Variants in SIPA1L1 observed in about 807,000 individuals in gnomAD.
The protein encoded by SIPA1L1 is signal induced proliferation associated 1 like 1.
In SIPA1L1, 26 loss-of-function variants were observed where a neutral mutation model predicts 162.7. The observed-to-expected ratio is 0.16, with a 90% CI of 0.12 to 0.22. The LOEUF is 0.22. Ranked by LOEUF, SIPA1L1 falls within the 10% of genes least tolerant of loss-of-function variation. SIPA1L1 has a pLI of 1.00. For synonymous variants in SIPA1L1, 829 were observed against 837.4 expected (o/e 0.99, Z 0.17); for missense variants, 1,874 against 2,241.0 (o/e 0.84, Z 3.31).
At chr14:71,614,669 A>T (rs932623854) in intron 5 of SIPA1L1, among the ~76,000 whole-genome samples, 1 of 152,224 alleles carries the variant, frequency 6.6e-6, no homozygotes, top group Non-Finnish European at 1.5e-5. Flanking sequence ...GTTTGTTTAA[A>T]GCTAGAGTAT....
chr14:71,727,863 C>A (rs1416064176), intron 19 of SIPA1L1, among the ~76,000 whole-genome samples: 2 of 152,178 alleles, frequency 1.3e-5, no homozygotes, highest in African/African-American at 2.4e-5. Context: ...CTGGGTTCTC[C>A]TACCTTTTAA....
chr14:71,427,161 CT>C (rs2140857454), intron 2 of SIPA1L1, among the ~76,000 whole-genome samples: 1 of 150,844 alleles, frequency 6.6e-6, no homozygotes, highest in Admixed American at 6.6e-5. Flanking sequence ...TTTTAGTGTC[CT>C]TTTATTTTTA....
intron 2 of SIPA1L1, among the ~76,000 whole-genome samples, chr14:71,436,853 C>T (rs1318106585): frequency 2.7e-5 from 4 of 149,334 alleles, no homozygotes; most frequent in South Asian, 2.1e-4. Context: ...CAACCTCTAT[C>T]GCCCGGGTTC....
intron 2 of SIPA1L1, among the ~76,000 whole-genome samples, chr14:71,420,428 A>G (rs889652269): frequency 3.3e-5 from 5 of 152,212 alleles, no homozygotes; most frequent in African/African-American, 1.2e-4. Flanking sequence ...TCTGTCTACT[A>G]AAGGAGTAAC....
At chr14:71,669,454 G>A (rs1315918902) in intron 10 of SIPA1L1, among the ~76,000 whole-genome samples, 1 of 152,198 alleles carries the variant, frequency 6.6e-6, no homozygotes, top group Non-Finnish European at 1.5e-5. Flanking sequence ...AATAGCAGAT[G>A]AGAAGTTGCC....
chr14:71,669,136 T>C (rs2044285973), intron 10 of SIPA1L1, among the ~76,000 whole-genome samples: 2 of 152,212 alleles, frequency 1.3e-5, no homozygotes, highest in South Asian at 4.1e-4. Context: ...TATTTCTGAC[T>C]ATGCGAAGCT....
intron 2 of SIPA1L1, among the ~76,000 whole-genome samples, chr14:71,365,200 A>G (rs1326184252): frequency 6.6e-6 from 1 of 151,090 alleles, no homozygotes; most frequent in Admixed American, 6.6e-5. Context: ...TTTTTTGTAG[A>G]AACAGGGTCT....
At chr14:71,688,399 C>T (rs1480845994) in intron 13 of SIPA1L1, among the ~76,000 whole-genome samples, 1 of 152,136 alleles carries the variant, frequency 6.6e-6, no homozygotes, top group East Asian at 1.9e-4. Flanking sequence ...ACGGGCTACT[C>T]GTGTTTGAGA....
In SIPA1L1 at chr14:71,581,947, T is replaced by C. The variant is rs543545109; in HGVS notation, c.-302-5624T>C. Among the ~76,000 whole-genome samples, 30 of 152,328 alleles carry C rather than the reference T, an allele frequency of 2.0e-4. No individual in the cohort carries two copies. In the South Asian group the frequency reaches 6.0e-3, roughly 30 times the overall value. ...AGGTCTTTGATATTTTATTATGTGCTTATTGCATGAGATTAGTCATATTTA... is the reference window on the plus strand; with the variant it reads ...AGGTCTTTGATATTTTATTATGTGCCTATTGCATGAGATTAGTCATATTTA... On this transcript the variant is annotated intron_variant, in intron 4 of 23. Transcript: ENST00000381232.
At chr14:71,372,474 T>C (rs1253499093) in intron 2 of SIPA1L1, among the ~76,000 whole-genome samples, 8 of 152,166 alleles carry the variant, frequency 5.3e-5, no homozygotes, top group African/African-American at 1.2e-4. Flanking sequence ...AAATTTACAA[T>C]TCGCTATTTC....
chr14:71,471,396 G>A (rs982853098), intron 2 of SIPA1L1, among the ~76,000 whole-genome samples: 1 of 152,210 alleles, frequency 6.6e-6, no homozygotes, highest in Non-Finnish European at 1.5e-5. Flanking sequence ...TTGAACCCAA[G>A]AGGCGGAGAT....
chr14:71,387,554 T>A (rs1012771194), intron 2 of SIPA1L1, among the ~76,000 whole-genome samples: 9 of 152,204 alleles, frequency 5.9e-5, no homozygotes, highest in Non-Finnish European at 1.2e-4. Flanking sequence ...GTGTGTGGCT[T>A]CTGTAGGTGT....
chr14:71,379,619 A>G (rs954917517), intron 2 of SIPA1L1: 1 of 152,252 alleles, frequency 6.6e-6, no homozygotes, highest in Non-Finnish European at 1.5e-5. Context: ...TAATTGACAT[A>G]CATTGTTGTT....
intron 3 of SIPA1L1, among the ~76,000 whole-genome samples, chr14:71,523,731 C>T (rs1418961773): frequency 6.6e-6 from 1 of 152,212 alleles, no homozygotes; most frequent in African/African-American, 2.4e-5. Flanking sequence ...GCTTGGCCTT[C>T]TCTTCCATGT....
chr14:71,587,607 T>C lies in SIPA1L1; in HGVS notation c.-266T>C, dbSNP rs1229779466. On this transcript the variant is annotated 5_prime_UTR_variant, in exon 5 of 24. The change abolishes the stop of an existing upstream ORF in the 5' untranslated region. Coordinates refer to ENST00000381232, the MANE Select transcript of SIPA1L1 (RefSeq NM_001386936.1). The stretch of plus-strand genomic sequence containing the variant: ...GATTATGGCAACCACAGAATCTCAG[T>C]AGTACAAGTTCCATTCAGTTTTTTC... 4.5e-6 allele frequency: 2 copies of C among 447,628 alleles called. No individual in the cohort carries two copies. Among genetic ancestry groups the C allele is most frequent in the East Asian group, 6.4e-5 (2 of 31,418 alleles). The allele number at this position is 447,628 out of a possible 1,614,324, so 27.7% of individuals were successfully genotyped here.
chr14:71,559,823 T>C (rs2056640257), intron 4 of SIPA1L1, among the ~76,000 whole-genome samples: 1 of 89,148 alleles, frequency 1.1e-5, no homozygotes, highest in South Asian at 4.6e-4. Context: ...CAAAGTAGAA[T>C]TATATAAACT....
chr14:71,438,388 G>A (rs1267672242), intron 2 of SIPA1L1, among the ~76,000 whole-genome samples: 2 of 152,126 alleles, frequency 1.3e-5, no homozygotes, highest in Non-Finnish European at 2.9e-5. Flanking sequence ...TCCTGCTCTT[G>A]TTCCCACTCC....
intron 2 of SIPA1L1, among the ~76,000 whole-genome samples, chr14:71,397,931 T>C (rs1403697288): frequency 6.6e-6 from 1 of 151,578 alleles, no homozygotes; most frequent in African/African-American, 2.4e-5. Context: ...TTATAAGATG[T>C]GACAAATTCC....
intron 2 of SIPA1L1, among the ~76,000 whole-genome samples, chr14:71,368,287 T>A (rs1487601849): frequency 1.5e-4 from 22 of 144,240 alleles, no homozygotes; most frequent in Admixed American, 8.4e-4. Flanking sequence ...CTTAGGTATA[T>A]CTCCCAATGC....
Sources: gnomAD v4.1 joint callset for allele counts (sites outside exome capture counted in the v4.1 genomes callset) on GRCh38, gnomAD v4.1.1 for gene constraint, MANE v1.5 for transcripts, NCBI Gene and HGNC (gene_info 2026-07-23, HGNC 2026-07-21) for gene names.